NRP1: variants seen among roughly 807,000 people sequenced by gnomAD.
NRP1 encodes the protein neuropilin-1.
A neutral mutation model predicts 106.7 loss-of-function variants in NRP1; 35 were observed. The ratio of observed to expected loss-of-function variants is 0.33; its 90% CI spans 0.25 to 0.43. The LOEUF is 0.43. Among genes scored for constraint, NRP1 ranks in the 20% least tolerant of loss-of-function variants. The probability of loss-of-function intolerance (pLI) is 1.00; values close to 1 mark genes in which losing one functional copy is unlikely to be tolerated. For synonymous variants in NRP1, 437 were observed against 417.9 expected, an observed-to-expected ratio of 1.05 and a Z score of -0.56; for missense variants, 1,024 against 1,170.4, an observed-to-expected ratio of 0.87 and a Z score of 1.83.
intron 6 of NRP1, among the ~76,000 whole-genome samples, chr10:33,252,996 G>T (rs74453257): frequency 0.051 from 7,321 of 144,902 alleles, 204 homozygotes; most frequent in Middle Eastern, 0.085. Flanking sequence ...TCATCTTGTG[G>T]TTTTTTTTTT....
At chr10:33,191,098 T>A (rs1159076614) in intron 13 of NRP1, among the ~76,000 whole-genome samples, 2 of 152,210 alleles carry the variant, frequency 1.3e-5, no homozygotes, top group Non-Finnish European at 2.9e-5. Context: ...ACTCAACTGA[T>A]TCTCCTGTTC....
chr10:33,283,834 T>C lies in NRP1; in HGVS notation c.249-12978A>G, dbSNP rs1443233710. On this transcript the variant is annotated intron_variant, in intron 2 of 16. Transcript: ENST00000374867. ...ACATTACCTAAGAGCAGGAGCACCA[T>C]CTCAGCTAAGTTTAACCATATGACC... is the stretch of plus-strand genomic sequence containing the variant. Among the ~76,000 whole-genome samples, 4 of 152,222 alleles carry C rather than the reference T, an allele frequency of 2.6e-5. No homozygotes were observed. In the East Asian group the frequency reaches 7.7e-4, roughly 29 times the overall value.
intron 7 of NRP1, among the ~76,000 whole-genome samples, chr10:33,225,839 G>A (rs1839618292): frequency 1.3e-5 from 2 of 152,228 alleles, no homozygotes; most frequent in Admixed American, 6.5e-5. Context: ...TAAGAGGACA[G>A]TGTTTATCCC....
intron 2 of NRP1, among the ~76,000 whole-genome samples, chr10:33,297,884 C>T (rs541269170): frequency 1.3e-5 from 2 of 151,518 alleles, no homozygotes; most frequent in African/African-American, 4.9e-5. Context: ...GTCTCCTGCC[C>T]TATGAAAACC....
intron 9 of NRP1, 97 bp downstream of exon 9, chr10:33,213,289 G>C: frequency 1.2e-6 from 2 of 1,613,816 alleles, no homozygotes; most frequent in Non-Finnish European, 1.7e-6. Flanking sequence ...GTCATGGCTG[G>C]AAGGAAATAA....
intron 2 of NRP1, among the ~76,000 whole-genome samples, chr10:33,314,327 T>C (rs1340320228): frequency 6.6e-6 from 1 of 152,180 alleles, no homozygotes; most frequent in South Asian, 2.1e-4. Flanking sequence ...CATCCTCCCA[T>C]CTTGGTCTCC....
intron 2 of NRP1, among the ~76,000 whole-genome samples, chr10:33,299,919 G>A (rs1424071141): frequency 2.0e-5 from 3 of 152,172 alleles, no homozygotes; most frequent in Admixed American, 2.0e-4. Context: ...CTGAACTCTT[G>A]GTTATTGACT....
In NRP1 at chr10:33,179,573, CCTT is replaced by C. The variant is rs1252488944; in HGVS notation, c.*500_*502del. ...TACTTTAAAAAGAAAACAGCCTAAT[CCTT>C]CTTTGCCTATGCACGACGCGGGCAA... On this transcript the variant is annotated 3_prime_UTR_variant, in exon 17 of 17. Coordinates refer to ENST00000374867, the MANE Select transcript of NRP1 (RefSeq NM_003873.7). The C allele has an allele frequency of 6.3e-6, 1 of 158,662 alleles. No individual in the cohort carries two copies. The highest frequency in any genetic ancestry group is 1.4e-5 in the Non-Finnish European group (1 of 71,770). The allele number at this position is 158,662 out of a possible 1,614,324, so 9.8% of individuals were successfully genotyped here. A position where few individuals can be genotyped will look rare whatever the true frequency, so the allele number is the denominator to read the frequency against.
chr10:33,270,946 T>G (rs1392601626), intron 2 of NRP1, 90 bp from the exon 3 acceptor site: 1 of 1,173,942 alleles, frequency 8.5e-7, no homozygotes, highest in Non-Finnish European at 1.2e-6. Flanking sequence ...TCCAGCATAG[T>G]GTGCCAGGAA....
rs371542846 is a variant in NRP1, at chr10:33,283,023, C to G, written c.249-12167G>C. Among the ~76,000 whole-genome samples, 28 of 152,250 alleles carry G rather than the reference C, an allele frequency of 1.8e-4. No individual in the cohort carries two copies. The South Asian group carries it at 5.8e-3, about 32-fold the overall frequency. On this transcript the variant is annotated intron_variant, in intron 2 of 16. Transcript: ENST00000374867. ...CCTCCCAAAGTGCTGGGATTACAGG[C>G]GTGAGCCACCGCACCTGAACTTGAA...
Position 33,226,277 on chromosome 10 carries a change from G to A in NRP1, c.994C>T (p.Leu332Phe), listed in dbSNP as rs1254302895. 11 of 1,614,110 alleles carry A rather than the reference G, an allele frequency of 6.8e-6. No homozygotes were observed. The highest frequency in any genetic ancestry group is 9.3e-6 in the Non-Finnish European group (11 of 1,179,998). ...YREWIQVDLG[L>F]LRFVTAVGTQ... The stretch of plus-strand genomic sequence containing the variant: ...CCGACAGCCGTGACAAAGCGCAGAA[G>A]GCCCAAGTCTACCTGCAAGACAAGT... The change falls in exon 7 of 17, where the codon CTT (leucine) becomes TTT (phenylalanine). Residue 332 changes from leucine to phenylalanine, a missense_variant. Leu to Phe is a conservative substitution (Grantham distance 22). Around this residue, in one of 5 missense-constraint regions of NRP1, gnomAD observed 562 missense variants for 620.3 expected, o/e 0.91. Transcript: ENST00000374867.
chr10:33,284,686 AT>A (rs36041900), intron 2 of NRP1, among the ~76,000 whole-genome samples: 2 of 151,986 alleles, frequency 1.3e-5, no homozygotes, highest in Non-Finnish European at 1.5e-5. Flanking sequence ...TTCAAGAGAA[AT>A]TTTTTTTGAT....
In NRP1 at chr10:33,263,849, G is replaced by T; in HGVS notation, c.455C>A (p.Thr152Lys). 6.2e-7 allele frequency: 1 copy of T among 1,612,930 alleles called. No homozygotes were observed. Residue 152 changes from threonine to lysine, a missense_variant, in exon 4 of 17, where the codon ACA becomes AAA. Physicochemically the swap from Thr to Lys is moderately conservative, Grantham distance 78 (BLOSUM62 -1). Coordinates refer to ENST00000374867, the MANE Select transcript of NRP1 (RefSeq NM_003873.7). Reference sequence around the variant, plus strand: ...GGACTTTATCACTCCACTAGGTGTTGTGTAGTTCTGGGAACATTCAGGACC... The same window carrying T: ...GGACTTTATCACTCCACTAGGTGTTTTGTAGTTCTGGGAACATTCAGGACC... ...KRGPECSQNY[T>K]TPSGVIKSPG...
At chr10:33,235,571 G>A (rs1308284340) in intron 6 of NRP1, among the ~76,000 whole-genome samples, 5 of 152,208 alleles carry the variant, frequency 3.3e-5, no homozygotes, top group South Asian at 4.1e-4. Context: ...CAAAACCTGA[G>A]GGCTTTTTTC....
rs2284949 is a variant in NRP1, at chr10:33,193,434, C to T, written c.1925-1016G>A. 5.6e-4 allele frequency among the ~76,000 whole-genome samples: 86 copies of T among 152,338 alleles called. 2 individuals carry two copies. In the East Asian group the frequency reaches 7.9e-3, roughly 14 times the overall value. On this transcript the variant is annotated intron_variant, in intron 12 of 16. Transcript: ENST00000374867. Reference sequence around the variant, plus strand: ...TTCTCGGGCTTCTGCCCCCTCCTTTCGTCCTCCTATAAAGAACGAAGCCCG... The same window carrying T: ...TTCTCGGGCTTCTGCCCCCTCCTTTTGTCCTCCTATAAAGAACGAAGCCCG...
intron 2 of NRP1, among the ~76,000 whole-genome samples, chr10:33,279,676 T>G (rs774710076): frequency 2.2e-4 from 34 of 152,152 alleles, no homozygotes; most frequent in Middle Eastern, 3.4e-3. Context: ...TGTGTGGATA[T>G]GAGGGGCTGC....
At chr10:33,314,741 T>C (rs1846894035) in intron 2 of NRP1, among the ~76,000 whole-genome samples, 1 of 152,190 alleles carries the variant, frequency 6.6e-6, no homozygotes, top group Non-Finnish European at 1.5e-5. Context: ...CAAGCAGGCC[T>C]GGGCTAGTTC....
chr10:33,196,857 G>T (rs1398076534), intron 12 of NRP1, among the ~76,000 whole-genome samples: 1 of 152,178 alleles, frequency 6.6e-6, no homozygotes, highest in Non-Finnish European at 1.5e-5. Flanking sequence ...CAGAAGCCAA[G>T]ACTGAGTGAG....
rs761128482 is a variant in NRP1, at chr10:33,204,972, T to A, written c.1760-1977A>T. Among the ~76,000 whole-genome samples, 4 of 152,174 alleles carry A rather than the reference T, an allele frequency of 2.6e-5. No individual in the cohort carries two copies. In the South Asian group the frequency reaches 8.3e-4, roughly 32 times the overall value. On this transcript the variant is annotated intron_variant, in intron 10 of 16. Transcript: ENST00000374867. ...GTCTCAAGCTCCTGAGCTCAAGTGA[T>A]CTGCCCGCCTTGGCCTCCCAAAGTG... is the stretch of plus-strand genomic sequence containing the variant.
Sources: gnomAD v4.1 joint callset for allele counts (sites outside exome capture counted in the v4.1 genomes callset) on GRCh38, gnomAD v4.1.1 for gene constraint, gnomAD v4.1.1 regional missense constraint, MANE v1.5 for transcripts, NCBI Gene and HGNC (gene_info 2026-07-23, HGNC 2026-07-21) for gene names.